DEPDC5: variants seen among roughly 807,000 people sequenced by gnomAD.
DEPDC5 encodes DEP domain containing 5, GATOR1 subcomplex subunit.
A neutral mutation model predicts 217.3 loss-of-function variants in DEPDC5; 73 were observed. That is an observed-to-expected ratio of 0.34 (90% CI 0.28 to 0.41). DEPDC5 has a LOEUF of 0.41. DEPDC5 is among the 10% of genes least tolerant of loss of function. The probability of loss-of-function intolerance (pLI) is 1.00; values close to 1 mark genes in which losing one functional copy is unlikely to be tolerated. For synonymous variants in DEPDC5, 733 were observed against 756.7 expected, an observed-to-expected ratio of 0.97 and a Z score of 0.51; for missense variants, 1,675 against 2,070.1, an observed-to-expected ratio of 0.81 and a Z score of 3.70.
chr22:31,818,005 T>A (rs1198390478), intron 21 of DEPDC5, among the ~76,000 whole-genome samples: 1 of 152,154 alleles, frequency 6.6e-6, no homozygotes, highest in African/African-American at 2.4e-5. Context: ...TGCTAGGCAT[T>A]GGGTAGATAA....
intron 37 of DEPDC5, among the ~76,000 whole-genome samples, chr22:31,878,334 G>A (rs907273250): frequency 9.9e-5 from 15 of 152,044 alleles, no homozygotes; most frequent in African/African-American, 3.6e-4. Context: ...CATTTGACCA[G>A]TAGATACCTA....
intron 14 of DEPDC5, among the ~76,000 whole-genome samples, chr22:31,799,864 A>G (rs1229652337): frequency 1.5e-5 from 2 of 131,330 alleles, no homozygotes. Flanking sequence ...CTAGAGTGCA[A>G]TGGCATGATC....
intron 33 of DEPDC5, among the ~76,000 whole-genome samples, chr22:31,866,512 A>G (rs1223755927): frequency 6.6e-5 from 10 of 152,022 alleles, no homozygotes; most frequent in Admixed American, 5.9e-4. Flanking sequence ...CAGCCTCCCA[A>G]GTAGCTGGGA....
chr22:31,841,813 G>A (rs770257911), intron 27 of DEPDC5, among the ~76,000 whole-genome samples: 43 of 152,184 alleles, frequency 2.8e-4, no homozygotes, highest in Non-Finnish European at 6.2e-4. Flanking sequence ...GAAAGTTGGG[G>A]TTTTCCTTTT....
Position 31,760,762 on chromosome 22 carries a change from A to ATCTCTCTTCAT in DEPDC5, c.193+61_193+71dup, listed in dbSNP as rs1412265029. ...TTTACTGCCTCAGAAACTGTAAGAAATCTCTCTTCATAATTTCAAGGGATG... is the reference window on the plus strand; with the variant it reads ...TTTACTGCCTCAGAAACTGTAAGAAATCTCTCTTCATTCTCTCTTCATAATTTCAAGGGATG... On this transcript the variant is annotated intron_variant, in intron 4 of 42. Transcript: ENST00000651528. 23 of 1,373,854 alleles carry ATCTCTCTTCAT rather than the reference A, an allele frequency of 1.7e-5. No individual in the cohort carries two copies. The African/African-American group carries it at 2.5e-4, about 15-fold the overall frequency. The allele number at this position is 1,373,854 out of a possible 1,614,324, so 85.1% of individuals were successfully genotyped here.
chr22:31,828,452 CAAAAAA>C (rs35489633), intron 24 of DEPDC5, among the ~76,000 whole-genome samples: 6 of 73,202 alleles, frequency 8.2e-5, no homozygotes, highest in African/African-American at 2.8e-4. Flanking sequence ...AACTCCGTCT[CAAAAAA>C]AAAAAAAAAA....
chr22:31,820,332 A>C (rs1282993834), intron 22 of DEPDC5, among the ~76,000 whole-genome samples: 1 of 152,104 alleles, frequency 6.6e-6, no homozygotes, highest in African/African-American at 2.4e-5. Context: ...GGCTGGTCTC[A>C]AACTCCTGAT....
chr22:31,893,741 T>C lies in DEPDC5; in HGVS notation c.4193T>C (p.Leu1398Pro). 6.2e-7 allele frequency: 1 copy of C among 1,602,570 alleles called. No individual in the cohort carries two copies. The highest frequency in any genetic ancestry group is 8.5e-7 in the Non-Finnish European group (1 of 1,175,356). ...TGGATGGCGGTGACCGCAGCAGTAC[T>C]CTTCGAGATGGTGAGAACCTTCATG... ...LHWMAVTAAV[L>P]FEMVQGWHRK... Residue 1398 changes from leucine (L) to proline (P), a missense_variant, in exon 39 of 43, where the codon CTC (leucine) becomes CCC (proline). Transcript: ENST00000651528.
chr22:31,806,922 A>G (rs1005709621), intron 18 of DEPDC5, among the ~76,000 whole-genome samples: 14 of 152,188 alleles, frequency 9.2e-5, no homozygotes, highest in Non-Finnish European at 2.9e-5. Context: ...TAAAACGGGA[A>G]GATTGCCCAA....
intron 14 of DEPDC5, 57 bp downstream of exon 14, chr22:31,798,713 C>T (rs533471287): frequency 1.2e-5 from 18 of 1,550,640 alleles, no homozygotes; most frequent in Admixed American, 1.7e-5. Context: ...GCTATGTTAC[C>T]GGAAAGGTGT....
chr22:31,883,216 C>T (rs1468587224), intron 38 of DEPDC5, among the ~76,000 whole-genome samples: 1 of 152,136 alleles, frequency 6.6e-6, no homozygotes, highest in Admixed American at 6.5e-5. Flanking sequence ...GAACCGCTGT[C>T]CTAGGGGGAA....
chr22:31,829,265 C>CT (rs1468925660), intron 24 of DEPDC5, among the ~76,000 whole-genome samples: 1 of 152,210 alleles, frequency 6.6e-6, no homozygotes, highest in Non-Finnish European at 1.5e-5. Flanking sequence ...GGCGCGGTGT[C>CT]TGACGCCTGT....
chr22:31,834,664 G>A (rs1478430467), intron 25 of DEPDC5, among the ~76,000 whole-genome samples: 2 of 151,828 alleles, frequency 1.3e-5, no homozygotes, highest in Non-Finnish European at 2.9e-5. Flanking sequence ...TTATAGGCGC[G>A]CGCCACCACG....
At chr22:31,905,347 C>T (rs1320540490) in intron 41 of DEPDC5, among the ~76,000 whole-genome samples, 3 of 151,498 alleles carry the variant, frequency 2.0e-5, no homozygotes, top group Non-Finnish European at 4.4e-5. Context: ...GGCATGGTGG[C>T]ACATGCCTGT....
At chr22:31,762,183 C>T (rs1024933199) in intron 4 of DEPDC5, among the ~76,000 whole-genome samples, 2 of 151,948 alleles carry the variant, frequency 1.3e-5, no homozygotes, top group African/African-American at 4.8e-5. Flanking sequence ...TATTGATGAT[C>T]GCCCACCACA....
chr22:31,828,283 C>T (rs1395457059), intron 24 of DEPDC5, among the ~76,000 whole-genome samples: 1 of 152,070 alleles, frequency 6.6e-6, no homozygotes, highest in Non-Finnish European at 1.5e-5. Context: ...AAACCGCCAT[C>T]TCTGCTAAAA....
At chr22:31,848,017 C>T (rs1408859094) in intron 31 of DEPDC5, among the ~76,000 whole-genome samples, 1 of 152,228 alleles carries the variant, frequency 6.6e-6, no homozygotes, top group African/African-American at 2.4e-5. Context: ...CTACAGGCCC[C>T]ATGCAAGTCT....
intron 40 of DEPDC5, among the ~76,000 whole-genome samples, chr22:31,901,203 A>G (rs893015484): frequency 2.0e-5 from 3 of 150,990 alleles, no homozygotes; most frequent in Non-Finnish European, 4.4e-5. Flanking sequence ...AGATCGCACC[A>G]CTGCATTCCA....
intron 31 of DEPDC5, 133 bp from the exon 32 acceptor site, chr22:31,857,312 C>A: frequency 2.9e-6 from 2 of 688,242 alleles, no homozygotes; most frequent in Non-Finnish European, 4.9e-6. Context: ...TCATGAAGGT[C>A]TGGAAAGGGA....
Sources: allele counts gnomAD v4.1 joint callset (sites outside exome capture counted in the v4.1 genomes callset), GRCh38; gene constraint gnomAD v4.1.1; transcripts MANE v1.5; gene names NCBI Gene and HGNC (gene_info 2026-07-23, HGNC 2026-07-21).